BTG4: variants seen among roughly 807,000 people sequenced by gnomAD.
BTG4 encodes BTG anti-proliferation factor 4.
BTG4 carries 10 observed loss-of-function variants against 19.3 expected under a neutral mutation model. The observed-to-expected ratio is 0.52, with a 90% CI of 0.32 to 0.88. The LOEUF is 0.88. Ranked by LOEUF, BTG4 falls within the 40% of genes least tolerant of loss-of-function variation. The probability of loss-of-function intolerance (pLI) is 0.04; values close to 1 mark genes in which losing one functional copy is unlikely to be tolerated. For missense variants in BTG4, 238 were observed against 281.9 expected (o/e 0.84, Z 1.11); for synonymous variants, 91 against 95.7 (o/e 0.95, Z 0.29).
At chr11:111,404,587 C>T in the BTG4 span, 1 of 456,138 alleles carries the variant, frequency 2.2e-6, no homozygotes, top group Non-Finnish European at 4.4e-6. Context: ...AGTTATTACT[C>T]AAAGGGTAAC....
At chr11:111,416,635 GC>G in the BTG4 span, 63,056 of 151,962 alleles carry the variant, frequency 0.41, 13,373 homozygotes, top group Admixed American at 0.5. Flanking sequence ...TCCTGGGTGG[GC>G]CAATGTGAGC....
At chr11:111,477,659 G>A (rs1170095741) in intron 5 of BTG4, among the ~76,000 whole-genome samples, 1 of 152,060 alleles carries the variant, frequency 6.6e-6, no homozygotes, top group Non-Finnish European at 1.5e-5. Flanking sequence ...GGGAAGATAT[G>A]GAGGTGAGTT....
the BTG4 span, among the ~76,000 whole-genome samples, chr11:111,401,215 A>G: frequency 0.013 from 2,002 of 152,202 alleles, 22 homozygotes; most frequent in Non-Finnish European, 0.019. Flanking sequence ...GGCCAGGCGC[A>G]GTGGCTCACG....
the BTG4 span, chr11:111,385,505 A>T: frequency 6.6e-6 from 1 of 152,114 alleles, no homozygotes; most frequent in Non-Finnish European, 1.5e-5. Context: ...ACATCGATTC[A>T]AAAATCCTGA....
the BTG4 span, among the ~76,000 whole-genome samples, chr11:111,409,162 G>A: frequency 1.3e-5 from 2 of 152,210 alleles, no homozygotes; most frequent in African/African-American, 4.8e-5. Context: ...GAGAGGGATA[G>A]AAGAGGTGGT....
chr11:111,442,179 T>C, the BTG4 span, among the ~76,000 whole-genome samples: 1 of 151,946 alleles, frequency 6.6e-6, no homozygotes, highest in Admixed American at 6.6e-5. Flanking sequence ...CTTGGGGATA[T>C]GGCCAATTCT....
At chr11:111,471,383 T>G (rs1483020511) in intron 5 of BTG4, among the ~76,000 whole-genome samples, 1 of 152,198 alleles carries the variant, frequency 6.6e-6, no homozygotes, top group Non-Finnish European at 1.5e-5. Context: ...ACCACAGAAT[T>G]CTGTTGGACC....
At chr11:111,498,535 C>T in intron 2 of BTG4, 69 bp downstream of exon 2, 1 of 1,376,360 alleles carries the variant, frequency 7.3e-7, no homozygotes, top group Non-Finnish European at 1.0e-6. Flanking sequence ...AAGATCACTC[C>T]ATTTTCCTAG....
At chr11:111,411,902 T>C in the BTG4 span, among the ~76,000 whole-genome samples, 5 of 152,138 alleles carry the variant, frequency 3.3e-5, no homozygotes, top group African/African-American at 9.7e-5. Context: ...ATTGAGGGAA[T>C]CATGAAGGTA....
the BTG4 span, among the ~76,000 whole-genome samples, chr11:111,434,411 C>T: frequency 1.3e-5 from 2 of 151,856 alleles, no homozygotes; most frequent in South Asian, 2.1e-4. Flanking sequence ...TGGGAGGGCT[C>T]GGGGAGGGAT....
At chr11:111,419,029 T>C in the BTG4 span, among the ~76,000 whole-genome samples, 2 of 152,330 alleles carry the variant, frequency 1.3e-5, no homozygotes, top group East Asian at 3.9e-4. Flanking sequence ...TGGTCTTCCC[T>C]CTATACCTAT....
At chr11:111,419,610 T>G in the BTG4 span, among the ~76,000 whole-genome samples, 2 of 152,156 alleles carry the variant, frequency 1.3e-5, no homozygotes, top group East Asian at 3.9e-4. Flanking sequence ...CTTCCCAAGC[T>G]CATAAGCAGA....
the BTG4 span, chr11:111,454,908 G>A: frequency 9.1e-6 from 4 of 440,816 alleles, no homozygotes; most frequent in African/African-American, 8.0e-5. Flanking sequence ...ACAGTGAGAG[G>A]CTGGGTGGCT....
At chr11:111,469,039 A>G (rs1295149485) in intron 5 of BTG4, among the ~76,000 whole-genome samples, 2 of 152,178 alleles carry the variant, frequency 1.3e-5, no homozygotes, top group Non-Finnish European at 2.9e-5. Context: ...GAACTCAAAC[A>G]ATTTTTCCCC....
chr11:111,395,283 C>T, the BTG4 span, among the ~76,000 whole-genome samples: 6 of 152,226 alleles, frequency 3.9e-5, no homozygotes, highest in Non-Finnish European at 8.8e-5. Flanking sequence ...AACACGCCTC[C>T]ACAGCCCCGG....
At chr11:111,403,653 G>C in the BTG4 span, among the ~76,000 whole-genome samples, 1 of 152,174 alleles carries the variant, frequency 6.6e-6, no homozygotes, top group Non-Finnish European at 1.5e-5. Flanking sequence ...AGATATTCCT[G>C]AGTGGGTGAC....
rs568206494 is a variant in BTG4, at chr11:111,501,277, T to C, written c.-26-2475A>G. On this transcript the variant is annotated intron_variant, in intron 1 of 4. Coordinates refer to ENST00000692032, the MANE Select transcript of BTG4 (RefSeq NM_001367975.1). ...TACTCGAAAGGCTGAGGTGGGAAGA[T>C]CACTTGAGCCCAGAAGTTTGAGGCT... Among the ~76,000 whole-genome samples, 11 of 152,192 alleles carry C rather than the reference T, an allele frequency of 7.2e-5. No homozygotes were observed. The South Asian group carries it at 2.3e-3, about 32-fold the overall frequency.
At chr11:111,416,648 G>A in the BTG4 span, 1 of 152,152 alleles carries the variant, frequency 6.6e-6, no homozygotes. Context: ...AATGTGAGCA[G>A]AGAGCACGGG....
At chr11:111,424,214 G>A in the BTG4 span, among the ~76,000 whole-genome samples, 1 of 152,196 alleles carries the variant, frequency 6.6e-6, no homozygotes, top group East Asian at 1.9e-4. Flanking sequence ...ACAATCCAGT[G>A]CCCCAGGATA....
Sources: gnomAD v4.1 joint callset for allele counts (sites outside exome capture counted in the v4.1 genomes callset) on GRCh38, gnomAD v4.1.1 for gene constraint, MANE v1.5 for transcripts, NCBI Gene and HGNC (gene_info 2026-07-23, HGNC 2026-07-21) for gene names.